The following ARL9 variants were observed in gnomAD, a reference collection of about 807,000 sequenced individuals.
The protein encoded by ARL9 is ADP-ribosylation factor-like protein 9.
A neutral mutation model predicts 27.0 loss-of-function variants in ARL9; 14 were observed. The observed-to-expected ratio is 0.52, with a 90% CI of 0.34 to 0.81. The LOEUF (loss-of-function observed/expected upper bound fraction) is 0.81, where lower values mean the gene tolerates loss of function less well. ARL9 is among the 30% of genes least tolerant of loss of function. The probability of loss-of-function intolerance (pLI) is 0.01; values close to 1 mark genes in which losing one functional copy is unlikely to be tolerated. For missense variants in ARL9, 294 were observed against 290.0 expected (o/e 1.01, Z -0.10); for synonymous variants, 106 against 108.7 (o/e 0.98, Z 0.15).
At chr4:56,517,442 T>C (rs1050546090) in intron 2 of ARL9, among the ~76,000 whole-genome samples, 1 of 152,226 alleles carries the variant, frequency 6.6e-6, no homozygotes, top group African/African-American at 2.4e-5. Context: ...ACCACTCAAC[T>C]CTGTCTTGAG....
intron 3 of ARL9, among the ~76,000 whole-genome samples, chr4:56,521,217 CA>C (rs57537197): frequency 0.22 from 20,681 of 94,776 alleles, 1,723 homozygotes; most frequent in African/African-American, 0.33. Flanking sequence ...CCCCAAAAAA[CA>C]AAAAAAAAAA....
chr4:56,506,786 T>TTTTGTGTGTGTGTGTG (rs775195012), intron 1 of ARL9: 6 of 179,852 alleles, frequency 3.3e-5, no homozygotes, highest in African/African-American at 2.3e-4. Flanking sequence ...ATTAACACAG[T>TTTTGTGTGTGTGTGTG]TGTGTGTGTG....
intron 2 of ARL9, among the ~76,000 whole-genome samples, chr4:56,511,909 C>CAAGT (rs1721647760): frequency 6.6e-6 from 1 of 152,308 alleles, no homozygotes. Context: ...CAAACATATC[C>CAAGT]AAGTCCTCTA....
intron 2 of ARL9, among the ~76,000 whole-genome samples, chr4:56,513,296 A>G (rs575641007): frequency 7.9e-5 from 12 of 152,224 alleles, no homozygotes; most frequent in Non-Finnish European, 1.3e-4. Context: ...TATGTTGGGG[A>G]TTGGTGGGAG....
intron 3 of ARL9, among the ~76,000 whole-genome samples, chr4:56,520,420 A>G (rs2110154550): frequency 6.6e-6 from 1 of 152,290 alleles, no homozygotes; most frequent in South Asian, 2.1e-4. Context: ...GGCAAATACT[A>G]TATGATTCCA....
chr4:56,521,900 G>A (rs1721930236), intron 3 of ARL9, among the ~76,000 whole-genome samples: 1 of 151,936 alleles, frequency 6.6e-6, no homozygotes, highest in Admixed American at 6.6e-5. Context: ...ATCTTTTCCA[G>A]CATCTGGTGG....
At chr4:56,519,305 G>A (rs1203273121) in intron 3 of ARL9, among the ~76,000 whole-genome samples, 1 of 152,040 alleles carries the variant, frequency 6.6e-6, no homozygotes, top group Non-Finnish European at 1.5e-5. Flanking sequence ...CTGTAACATG[G>A]TTCCGCAAAA....
At chr4:56,506,512 G>C (rs988153321) in intron 1 of ARL9, 1 of 637,392 alleles carries the variant, frequency 1.6e-6, no homozygotes, top group Non-Finnish European at 1.9e-6. Context: ...AACCAGCCCC[G>C]AACCCTCCCC....
In ARL9 at chr4:56,505,910, G is replaced by A; in HGVS notation, c.48G>A (p.Gln16=). The A allele has an allele frequency of 1.6e-6, 2 of 1,252,730 alleles. No individual in the cohort carries two copies. Among genetic ancestry groups the A allele is most frequent in the Non-Finnish European group, 2.0e-6 (2 of 999,168 alleles). 77.6% of individuals were successfully genotyped at this position (1,252,730 alleles called of 1,614,324 possible). Residue 16 remains glutamine (Q), a synonymous_variant, in exon 1 of 4, where the codon CAG becomes CAA. Transcript: ENST00000640821. The stretch of plus-strand genomic sequence containing the variant: ...AGAAAGAGAAGGAAAAGGAGACGCA[G>A]GAGGAGAAAATCGGAGAAAAGGGTA... The part of the protein sequence containing the change: ...VKKKEKEKET[Q]EEKIGEKGRE...
At chr4:56,510,215 C>T (rs1264784916) in intron 1 of ARL9, among the ~76,000 whole-genome samples, 1 of 151,382 alleles carries the variant, frequency 6.6e-6, no homozygotes, top group African/African-American at 2.4e-5. Flanking sequence ...AATTGCGGAG[C>T]GTGGTGGCAT....
At chr4:56,509,448 C>T (rs1448308634) in intron 1 of ARL9, among the ~76,000 whole-genome samples, 5 of 152,000 alleles carry the variant, frequency 3.3e-5, no homozygotes, top group Admixed American at 6.6e-5. Flanking sequence ...GATCCACCAG[C>T]GTCAGCCTCC....
chr4:56,523,578 G>T, intron 3 of ARL9, 119 bp from the exon 4 acceptor site: 2 of 744,016 alleles, frequency 2.7e-6, no homozygotes. Context: ...AGTCACAATA[G>T]CCTCTATATG....
At chr4:56,509,812 A>G (rs1721584942) in intron 1 of ARL9, among the ~76,000 whole-genome samples, 2 of 150,172 alleles carry the variant, frequency 1.3e-5, no homozygotes, top group African/African-American at 4.9e-5. Context: ...GGTTCAAGCA[A>G]TTCTCCTGCC....
chr4:56,512,804 A>G lies in ARL9; in HGVS notation c.442+1457A>G, dbSNP rs938990366. ...TGATCCACCCACCTTAGCCTCCCAAAGTACTCAGATTCAGGTGTGAGCCAC... is the reference window on the plus strand; with the variant it reads ...TGATCCACCCACCTTAGCCTCCCAAGGTACTCAGATTCAGGTGTGAGCCAC... On this transcript the variant is annotated intron_variant, in intron 2 of 3. Coordinates refer to ENST00000640821, the MANE Select transcript of ARL9 (RefSeq NM_001363794.2). Among the ~76,000 whole-genome samples the G allele has an allele frequency of 1.2e-4, 18 of 152,138 alleles. 1 individual carries two copies. The highest frequency in any genetic ancestry group is 9.8e-4 in the Admixed American group (15 of 15,266).
Position 56,506,786 on chromosome 4 carries a change from TTGTGTGTGTGTG to T in ARL9, c.279+681_279+692del, listed in dbSNP as rs138908292. On this transcript the variant is annotated intron_variant, in intron 1 of 3. Transcript: ENST00000640821. ...AAACAATTATGAATGATTAACACAG[TTGTGTGTGTGTG>T]TGTGTGTGTGTGTGTGTGTGTGTGT... The T allele has an allele frequency of 3.7e-3, 672 of 181,664 alleles. 2 individuals are homozygous for T. The highest frequency in any genetic ancestry group is 4.5e-3 in the Non-Finnish European group (565 of 124,986). The allele number at this position is 181,664 out of a possible 1,614,324, so 11.3% of individuals were successfully genotyped here. A position where few individuals can be genotyped will look rare whatever the true frequency, so the allele number is the denominator to read the frequency against.
intron 2 of ARL9, 30 bp downstream of exon 2, chr4:56,511,377 A>G (rs764508192): frequency 6.3e-7 from 1 of 1,584,124 alleles, no homozygotes; most frequent in Non-Finnish European, 8.6e-7. Flanking sequence ...GTTATAAGAT[A>G]GCCACATTTT....
intron 1 of ARL9, among the ~76,000 whole-genome samples, chr4:56,509,209 TG>T (rs1560695708): frequency 7.9e-6 from 1 of 127,388 alleles, no homozygotes; most frequent in African/African-American, 3.1e-5. Flanking sequence ...TTCTTTTTTT[TG>T]TTTTTTTTTT....
chr4:56,519,748 G>A (rs1352941072), intron 3 of ARL9, among the ~76,000 whole-genome samples: 2 of 151,982 alleles, frequency 1.3e-5, no homozygotes, highest in Non-Finnish European at 2.9e-5. Flanking sequence ...TGTTTTGTAT[G>A]TTTTATGTTT....
intron 3 of ARL9, among the ~76,000 whole-genome samples, chr4:56,522,353 G>A (rs575096730): frequency 3.3e-5 from 5 of 151,760 alleles, no homozygotes; most frequent in South Asian, 4.2e-4. Flanking sequence ...CCTGGGAGGC[G>A]GAGGTTGCAG....
Sources: gnomAD v4.1 joint callset for allele counts (sites outside exome capture counted in the v4.1 genomes callset) on GRCh38, gnomAD v4.1.1 for gene constraint, MANE v1.5 for transcripts, NCBI Gene and HGNC (gene_info 2026-07-23, HGNC 2026-07-21) for gene names.